HMBOX1: variants seen among roughly 807,000 people sequenced by gnomAD.
The protein encoded by HMBOX1 is homeobox-containing protein 1.
HMBOX1 carries 14 observed loss-of-function variants against 54.5 expected under a neutral mutation model. The ratio of observed to expected loss-of-function variants is 0.26; its 90% CI spans 0.17 to 0.40. The LOEUF is 0.40. HMBOX1 is among the 10% of genes least tolerant of loss of function. HMBOX1 has a pLI of 1.00. For missense variants in HMBOX1, 332 were observed against 514.4 expected (o/e 0.65, Z 3.43); for synonymous variants, 160 against 181.0 (o/e 0.88, Z 0.93).
chr8:28,941,237 G>A (rs1821357076), intron 1 of HMBOX1, among the ~76,000 whole-genome samples: 1 of 152,080 alleles, frequency 6.6e-6, no homozygotes, highest in South Asian at 2.1e-4. Context: ...GATTGTATAT[G>A]TTAACTCTGG....
intron 6 of HMBOX1, among the ~76,000 whole-genome samples, chr8:29,027,287 T>TA (rs1170210524): frequency 6.6e-6 from 1 of 152,212 alleles, no homozygotes; most frequent in Non-Finnish European, 1.5e-5. Context: ...ATGAAGTACT[T>TA]ACGGGCTGTG....
At chr8:28,946,467 G>T (rs1436614072) in intron 1 of HMBOX1, among the ~76,000 whole-genome samples, 3 of 151,976 alleles carry the variant, frequency 2.0e-5, no homozygotes, top group Non-Finnish European at 4.4e-5. Flanking sequence ...CTACTTGGGA[G>T]CTTGAGACAG....
intron 3 of HMBOX1, among the ~76,000 whole-genome samples, chr8:28,972,855 T>C (rs1827659577): frequency 6.6e-6 from 1 of 152,272 alleles, no homozygotes; most frequent in Non-Finnish European, 1.5e-5. Flanking sequence ...CTGGGATTTG[T>C]AGTTAAATCC....
intron 1 of HMBOX1, among the ~76,000 whole-genome samples, chr8:28,920,240 C>T (rs1306995005): frequency 1.3e-5 from 2 of 152,242 alleles, no homozygotes; most frequent in Middle Eastern, 6.8e-3. Context: ...AATTCGTTAA[C>T]CTGTTTTTAT....
intron 1 of HMBOX1, among the ~76,000 whole-genome samples, chr8:28,920,607 A>G (rs896615519): frequency 7.2e-5 from 11 of 152,218 alleles, no homozygotes; most frequent in African/African-American, 2.7e-4. Context: ...TTTATTGAGT[A>G]CCTACCATGC....
At chr8:28,911,939 T>C (rs972301029) in intron 1 of HMBOX1, among the ~76,000 whole-genome samples, 6 of 152,312 alleles carry the variant, frequency 3.9e-5, no homozygotes, top group African/African-American at 1.4e-4. Flanking sequence ...AAAAGTGATA[T>C]GCATTCAGTA....
chr8:29,049,363 TAGA>T (rs774832407), intron 9 of HMBOX1: 9 of 1,532,360 alleles, frequency 5.9e-6, no homozygotes, highest in Admixed American at 2.0e-5. Flanking sequence ...GCAGAGAAGG[TAGA>T]AGAAGAGAGG....
chr8:28,922,973 T>G (rs1817803869), intron 1 of HMBOX1, among the ~76,000 whole-genome samples: 1 of 152,210 alleles, frequency 6.6e-6, no homozygotes, highest in Non-Finnish European at 1.5e-5. Flanking sequence ...CCCTTTTTTG[T>G]ACTTGTTCTT....
At chr8:29,032,697 G>T (rs79519377) in intron 6 of HMBOX1, among the ~76,000 whole-genome samples, 5 of 152,030 alleles carry the variant, frequency 3.3e-5, no homozygotes, top group Non-Finnish European at 7.4e-5. Flanking sequence ...GGTTATACTC[G>T]GCTGGTCTAT....
chr8:29,009,333 C>CTAAA, intron 5 of HMBOX1, 151 bp downstream of exon 5: 1 of 1,061,862 alleles, frequency 9.4e-7, no homozygotes, highest in Non-Finnish European at 1.3e-6. Flanking sequence ...ACAGTAAAAG[C>CTAAA]TAAACCCTGA....
chr8:28,942,435 A>C (rs77391583), intron 1 of HMBOX1, among the ~76,000 whole-genome samples: 2,351 of 152,330 alleles, frequency 0.015, 40 homozygotes, highest in African/African-American at 0.04. Context: ...TTCAAAAAGT[A>C]CAAAAATGTA....
At chr8:29,023,027 A>G (rs1452808660) in intron 6 of HMBOX1, among the ~76,000 whole-genome samples, 1 of 152,190 alleles carries the variant, frequency 6.6e-6, no homozygotes, top group African/African-American at 2.4e-5. Context: ...AAGAATAAAA[A>G]GAAACACCAA....
intron 4 of HMBOX1, among the ~76,000 whole-genome samples, chr8:29,004,513 G>T (rs572790986): frequency 6.6e-6 from 1 of 152,176 alleles, no homozygotes; most frequent in African/African-American, 2.4e-5. Flanking sequence ...GGAAGGGAGC[G>T]TGGTGTTTGA....
chr8:28,974,960 T>C (rs1345525674), intron 3 of HMBOX1, among the ~76,000 whole-genome samples: 1 of 152,208 alleles, frequency 6.6e-6, no homozygotes, highest in Non-Finnish European at 1.5e-5. Context: ...AGGTGGTCTT[T>C]ATTATTCTTT....
At chr8:28,918,723 G>A (rs1280041324) in intron 1 of HMBOX1, among the ~76,000 whole-genome samples, 2 of 152,176 alleles carry the variant, frequency 1.3e-5, no homozygotes, top group Non-Finnish European at 2.9e-5. Flanking sequence ...AGCACGCCGA[G>A]TTTAAGTGCT....
At chr8:28,940,249 C>T (rs565711444) in intron 1 of HMBOX1, among the ~76,000 whole-genome samples, 15 of 152,270 alleles carry the variant, frequency 9.9e-5, no homozygotes, top group South Asian at 4.1e-4. Context: ...TCAGGTGATC[C>T]GCCTGCCTCA....
intron 1 of HMBOX1, among the ~76,000 whole-genome samples, chr8:28,904,002 G>C (rs1512849): frequency 0.88 from 133,869 of 152,102 alleles, 58,950 homozygotes; most frequent in East Asian, 0.95. Flanking sequence ...AATATCTCCC[G>C]CTCCCAACAG....
chr8:29,026,304 G>C (rs1182452639), intron 6 of HMBOX1, among the ~76,000 whole-genome samples: 1 of 152,092 alleles, frequency 6.6e-6, no homozygotes. Context: ...ATCTGGAGTA[G>C]GCAAACCTAT....
chr8:29,051,345 C>T lies in HMBOX1; in HGVS notation c.*190C>T. On this transcript the variant is annotated 3_prime_UTR_variant, in exon 10 of 10. Coordinates refer to ENST00000287701, the MANE Select transcript of HMBOX1 (RefSeq NM_001135726.3). ...TGCATATACTCTCTCAGTATTAACT[C>T]CCAGTAAATAATAACCAACCAACCA... The T allele has an allele frequency of 1.6e-6, 1 of 643,372 alleles. No homozygotes were observed. Among genetic ancestry groups the T allele is most frequent in the Non-Finnish European group, 2.7e-6 (1 of 372,536 alleles). The allele number at this position is 643,372 out of a possible 1,614,324, so 39.9% of individuals were successfully genotyped here. A position where few individuals can be genotyped will look rare whatever the true frequency, so the allele number is the denominator to read the frequency against.
Sources: gnomAD v4.1 joint callset for allele counts (sites outside exome capture counted in the v4.1 genomes callset) on GRCh38, gnomAD v4.1.1 for gene constraint, MANE v1.5 for transcripts, NCBI Gene and HGNC (gene_info 2026-07-23, HGNC 2026-07-21) for gene names.